Variants in CDK6 observed in about 807,000 individuals in gnomAD.
CDK6 encodes cyclin-dependent kinase 6.
A neutral mutation model predicts 37.1 loss-of-function variants in CDK6; 6 were observed. The ratio of observed to expected loss-of-function variants is 0.16; its 90% CI spans 0.09 to 0.32. The LOEUF (loss-of-function observed/expected upper bound fraction) is 0.32, where lower values mean the gene tolerates loss of function less well. Ranked by LOEUF, CDK6 falls within the 10% of genes least tolerant of loss-of-function variation. The probability of loss-of-function intolerance (pLI) is 1.00; values close to 1 mark genes in which losing one functional copy is unlikely to be tolerated. For missense variants in CDK6, 224 were observed against 418.9 expected (o/e 0.53, Z 4.06); for synonymous variants, 160 against 161.3 (o/e 0.99, Z 0.06).
In CDK6 at chr7:92,814,187, T is replaced by G. The variant is rs1221085578; in HGVS notation, c.233+18904A>C. Among the ~76,000 whole-genome samples the G allele has an allele frequency of 7.2e-5, 11 of 152,274 alleles. No homozygotes were observed. The East Asian group carries it at 2.1e-3, about 29-fold the overall frequency. On this transcript the variant is annotated intron_variant, in intron 2 of 7. Coordinates refer to ENST00000424848, the MANE Select transcript of CDK6 (RefSeq NM_001145306.2). ...AGCTGTTGGTTTCAGGGATGGTATA[T>G]CAACAGTATGAAAACCTAGAAGATG...
Position 92,773,279 on chromosome 7 carries a change from A to G in CDK6, c.369+1417T>C, listed in dbSNP as rs893747697. ...AAGGCATGTGAGATTACATCTAGCT[A>G]TAAGAGTTGATCAAATGGCTTTTGA... On this transcript the variant is annotated intron_variant, in intron 3 of 7. Coordinates refer to ENST00000424848, the MANE Select transcript of CDK6 (RefSeq NM_001145306.2). Among the ~76,000 whole-genome samples the G allele has an allele frequency of 7.2e-5, 11 of 152,352 alleles. No individual in the cohort carries two copies. The South Asian group carries it at 1.2e-3, about 17-fold the overall frequency.
chr7:92,641,039 C>T (rs1410413597), intron 5 of CDK6, among the ~76,000 whole-genome samples: 1 of 152,016 alleles, frequency 6.6e-6, no homozygotes, highest in Admixed American at 6.5e-5. Context: ...TCTAATTTTA[C>T]AAGAAAATTA....
intron 3 of CDK6, among the ~76,000 whole-genome samples, chr7:92,742,808 G>A (rs1378206744): frequency 2.0e-5 from 3 of 151,984 alleles, no homozygotes; most frequent in African/African-American, 7.3e-5. Context: ...GAAATTGAAA[G>A]TGTTTAATAT....
intron 6 of CDK6, among the ~76,000 whole-genome samples, chr7:92,622,414 A>G (rs1357400306): frequency 6.6e-6 from 1 of 152,196 alleles, no homozygotes; most frequent in Non-Finnish European, 1.5e-5. Flanking sequence ...ATGAACTCTA[A>G]TAGTAACAGT....
chr7:92,618,656 A>G (rs1014994706), intron 6 of CDK6, among the ~76,000 whole-genome samples: 1 of 152,214 alleles, frequency 6.6e-6, no homozygotes, highest in Non-Finnish European at 1.5e-5. Context: ...CTCATCCAAC[A>G]TGGTTTATTA....
At chr7:92,746,195 C>T (rs1234108772) in intron 3 of CDK6, among the ~76,000 whole-genome samples, 1 of 152,084 alleles carries the variant, frequency 6.6e-6, no homozygotes, top group African/African-American at 2.4e-5. Context: ...CCATTTTTTC[C>T]ATTATAATTA....
At chr7:92,776,048 C>A (rs1280167826) in intron 2 of CDK6, among the ~76,000 whole-genome samples, 1 of 151,966 alleles carries the variant, frequency 6.6e-6, no homozygotes, top group Non-Finnish European at 1.5e-5. Flanking sequence ...TCTCCTAATG[C>A]TATCCCTCCC....
rs1350551300 is a variant in CDK6, at chr7:92,796,137, C to T, written c.234-21306G>A. Among the ~76,000 whole-genome samples, 4 of 149,454 alleles carry T rather than the reference C, an allele frequency of 2.7e-5. No homozygotes were observed. In the East Asian group the frequency reaches 7.8e-4, roughly 29 times the overall value. ...CAAAAAAAAAATTTCACTTAGCATG[C>T]ATGTATCAGTTTTTTTTTCTGTAAT... On this transcript the variant is annotated intron_variant, in intron 2 of 7. Coordinates refer to ENST00000424848, the MANE Select transcript of CDK6 (RefSeq NM_001145306.2).
chr7:92,691,618 T>A (rs1797601772), intron 4 of CDK6, among the ~76,000 whole-genome samples: 2 of 152,172 alleles, frequency 1.3e-5, no homozygotes, highest in Non-Finnish European at 2.9e-5. Context: ...TAGAAAAAAG[T>A]CTAAGGCAAT....
At chr7:92,671,367 C>T in intron 5 of CDK6, 59 bp downstream of exon 5, 1 of 1,101,960 alleles carries the variant, frequency 9.1e-7, no homozygotes, top group Non-Finnish European at 1.3e-6. Context: ...CACTCAAATT[C>T]ACAAAGATCC....
chr7:92,710,432 C>A, intron 4 of CDK6, among the ~76,000 whole-genome samples: 1 of 152,142 alleles, frequency 6.6e-6, no homozygotes, highest in Non-Finnish European at 1.5e-5. Context: ...CTCAACTAAC[C>A]AAAGAAGAAG....
At chr7:92,748,845 G>C (rs1799119814) in intron 3 of CDK6, among the ~76,000 whole-genome samples, 1 of 152,108 alleles carries the variant, frequency 6.6e-6, no homozygotes, top group African/African-American at 2.4e-5. Context: ...CACACCTATA[G>C]AATTAATGAA....
intron 5 of CDK6, among the ~76,000 whole-genome samples, chr7:92,629,075 C>G (rs1038897328): frequency 6.6e-6 from 1 of 151,572 alleles, no homozygotes; most frequent in Non-Finnish European, 1.5e-5. Flanking sequence ...GGAAAGAGCA[C>G]GGAAAAAAAC....
At chr7:92,739,399 C>T (rs1047471053) in intron 3 of CDK6, among the ~76,000 whole-genome samples, 1 of 152,226 alleles carries the variant, frequency 6.6e-6, no homozygotes, top group African/African-American at 2.4e-5. Flanking sequence ...TAACTGTAAT[C>T]TCCATCTGTT....
chr7:92,812,991 C>A (rs2115948528), intron 2 of CDK6, among the ~76,000 whole-genome samples: 1 of 152,326 alleles, frequency 6.6e-6, no homozygotes, highest in South Asian at 2.1e-4. Context: ...AGCCTTCTGA[C>A]AAGGAGCAAT....
chr7:92,698,443 C>CT (rs988108910), intron 4 of CDK6, among the ~76,000 whole-genome samples: 18 of 151,984 alleles, frequency 1.2e-4, no homozygotes, highest in African/African-American at 1.7e-4. Flanking sequence ...ATTTTTTGTG[C>CT]TTTTTTTTCC....
chr7:92,815,999 G>A (rs533322664), intron 2 of CDK6, among the ~76,000 whole-genome samples: 1 of 152,206 alleles, frequency 6.6e-6, no homozygotes, highest in African/African-American at 2.4e-5. Flanking sequence ...ACATACACTA[G>A]ATCCTCTCCC....
intron 5 of CDK6, among the ~76,000 whole-genome samples, chr7:92,661,992 G>A (rs574973253): frequency 1.1e-3 from 175 of 152,310 alleles, no homozygotes; most frequent in Non-Finnish European, 1.9e-3. Flanking sequence ...TGGGCATGAA[G>A]GGAAGGAGAA....
intron 2 of CDK6, among the ~76,000 whole-genome samples, chr7:92,796,726 T>C (rs1250795113): frequency 1.3e-5 from 2 of 152,130 alleles, no homozygotes; most frequent in Non-Finnish European, 2.9e-5. Flanking sequence ...TGTTTAATCA[T>C]AGAGGTAAAT....
Sources: gnomAD v4.1 joint callset for allele counts (sites outside exome capture counted in the v4.1 genomes callset) on GRCh38, gnomAD v4.1.1 for gene constraint, MANE v1.5 for transcripts, NCBI Gene and HGNC (gene_info 2026-07-23, HGNC 2026-07-21) for gene names.